Variants in CPS1 observed in about 807,000 individuals in gnomAD.
The protein encoded by CPS1 is carbamoyl-phosphate synthase [ammonia], mitochondrial.
In CPS1, 109 loss-of-function variants were observed where a neutral mutation model predicts 174.6. That is an observed-to-expected ratio of 0.62 (90% CI 0.53 to 0.73). The LOEUF (loss-of-function observed/expected upper bound fraction) is 0.73. CPS1 is among the 30% of genes least tolerant of loss of function. The pLI is 0.00. For missense variants in CPS1, 1,689 were observed against 1,821.9 expected, an observed-to-expected ratio of 0.93 and a Z score of 1.33; for synonymous variants, 637 against 632.0, an observed-to-expected ratio of 1.01 and a Z score of -0.12.
At chr2:210,574,374 TTCAC>T (rs1697615639) in intron 2 of CPS1, among the ~76,000 whole-genome samples, 1 of 152,050 alleles carries the variant, frequency 6.6e-6, no homozygotes, top group African/African-American at 2.4e-5. Flanking sequence ...GGGCATTAGG[TTCAC>T]TGATACTGAA....
At chr2:210,667,304 C>G (rs575565413) in intron 33 of CPS1, among the ~76,000 whole-genome samples, 1 of 152,044 alleles carries the variant, frequency 6.6e-6, no homozygotes, top group Non-Finnish European at 1.5e-5. Context: ...CTTTTCCTAA[C>G]TGAATACTCT....
chr2:210,499,169 G>A (rs1695077915), intron 1 of CPS1, among the ~76,000 whole-genome samples: 1 of 152,114 alleles, frequency 6.6e-6, no homozygotes, highest in African/African-American at 2.4e-5. Flanking sequence ...CATGATCTCT[G>A]CACAGGCAGG....
At chr2:210,525,957 C>T (rs1273674401) in intron 1 of CPS1, among the ~76,000 whole-genome samples, 1 of 151,600 alleles carries the variant, frequency 6.6e-6, no homozygotes, top group African/African-American at 2.4e-5. Context: ...GCAAGCAGTC[C>T]CACATGACTG....
chr2:210,579,230 G>C (rs888344814), intron 4 of CPS1, among the ~76,000 whole-genome samples: 2 of 151,964 alleles, frequency 1.3e-5, no homozygotes, highest in African/African-American at 4.8e-5. Context: ...TCTATCCAAC[G>C]TAGTCAAAGA....
At chr2:210,505,915 G>T (rs902647788) in intron 1 of CPS1, among the ~76,000 whole-genome samples, 10 of 151,956 alleles carry the variant, frequency 6.6e-5, no homozygotes, top group Non-Finnish European at 1.3e-4. Flanking sequence ...GGAGCCCACC[G>T]CAGCTCAAGG....
chr2:210,516,968 A>G (rs1056985431), intron 1 of CPS1, among the ~76,000 whole-genome samples: 2 of 151,782 alleles, frequency 1.3e-5, no homozygotes, highest in African/African-American at 2.4e-5. Context: ...GCTTTTTCTA[A>G]TGTCCTTTTC....
chr2:210,570,249 A>G (rs1369515193), intron 1 of CPS1, among the ~76,000 whole-genome samples: 1 of 151,972 alleles, frequency 6.6e-6, no homozygotes, highest in Non-Finnish European at 1.5e-5. Flanking sequence ...CAAAAGAACC[A>G]AAAATATAAT....
intron 19 of CPS1, among the ~76,000 whole-genome samples, chr2:210,609,771 A>G (rs1414767473): frequency 1.3e-5 from 2 of 151,952 alleles, no homozygotes; most frequent in Non-Finnish European, 2.9e-5. Context: ...TTTGTCCCAT[A>G]ACACAGATTA....
At chr2:210,547,724 G>A (rs1234501452) in intron 1 of CPS1, among the ~76,000 whole-genome samples, 4 of 151,928 alleles carry the variant, frequency 2.6e-5, no homozygotes, top group African/African-American at 7.3e-5. Context: ...TTAATAAAAT[G>A]TCTTTTACTT....
chr2:210,525,268 A>G (rs1017822198), intron 1 of CPS1, among the ~76,000 whole-genome samples: 1 of 151,856 alleles, frequency 6.6e-6, no homozygotes, highest in African/African-American at 2.4e-5. Flanking sequence ...GAAACTTTGT[A>G]CTTTCCAGCT....
At chr2:210,639,240 C>T (rs1356822508) in intron 23 of CPS1, 25 bp downstream of exon 23, 1 of 1,528,846 alleles carries the variant, frequency 6.5e-7, no homozygotes, top group African/African-American at 1.4e-5. Context: ...ATTGGCCTAT[C>T]CAGAAAGCTC....
rs531382575 is a variant in CPS1, at chr2:210,564,666, G to A, written c.126+7807G>A. On this transcript the variant is annotated intron_variant, in intron 1 of 37. Transcript: ENST00000233072. ...GCTGGGATTACAGGCGTGAGCCACCGCGCCCGGCCTAGAATGCTCATTTTA... is the reference window on the plus strand; with the variant it reads ...GCTGGGATTACAGGCGTGAGCCACCACGCCCGGCCTAGAATGCTCATTTTA... Among the ~76,000 whole-genome samples, 284 of 142,940 alleles carry A rather than the reference G, an allele frequency of 2.0e-3. 1 individual carries two copies. Among genetic ancestry groups the A allele is most frequent in the Non-Finnish European group, 2.9e-3 (185 of 64,776 alleles). The allele number at this position is 142,940 out of a possible 152,430, so 93.8% of individuals were successfully genotyped here.
chr2:210,595,323 T>A lies in CPS1; in HGVS notation c.1264-164T>A, dbSNP rs553743920. 7.2e-5 allele frequency among the ~76,000 whole-genome samples: 11 copies of A among 152,014 alleles called. No individual in the cohort carries two copies. In the East Asian group the frequency reaches 2.1e-3, roughly 30 times the overall value. On this transcript the variant is annotated intron_variant, in intron 12 of 37. Coordinates refer to ENST00000233072, the MANE Select transcript of CPS1 (RefSeq NM_001875.5). ...AGTCACATTGAAATCAGAGATGTTT[T>A]AAGTTATTAGTCTTTTTCCCTATAT...
In CPS1 at chr2:210,635,602, A is replaced by G. The variant is rs148964859; in HGVS notation, c.2688-2100A>G. ...TTAGTTTTTCAATTTAAATAACCACATGTGGCTAGGGGCTGCTATGTTGGA... is the reference window on the plus strand; with the variant it reads ...TTAGTTTTTCAATTTAAATAACCACGTGTGGCTAGGGGCTGCTATGTTGGA... On this transcript the variant is annotated intron_variant, in intron 21 of 37. Transcript: ENST00000233072. 1.5e-3 allele frequency among the ~76,000 whole-genome samples: 231 copies of G among 152,308 alleles called. 2 individuals carry two copies. The highest frequency in any genetic ancestry group is 5.3e-3 in the African/African-American group (219 of 41,568).
At chr2:210,492,543 A>G in intron 1 of CPS1, among the ~76,000 whole-genome samples, 1 of 152,144 alleles carries the variant, frequency 6.6e-6, no homozygotes, top group East Asian at 1.9e-4. Flanking sequence ...GGCAACTGGT[A>G]GCACAGAATT....
intron 1 of CPS1, among the ~76,000 whole-genome samples, chr2:210,560,143 G>A (rs920529748): frequency 6.6e-6 from 1 of 151,940 alleles, no homozygotes; most frequent in Non-Finnish European, 1.5e-5. Context: ...CAAGGAAAAT[G>A]AAGCAAATAA....
rs1553517670 is a variant in CPS1, at chr2:210,654,100, A to AGG, written c.3558_3558+1dup. The AGG allele has an allele frequency of 6.2e-7, 1 of 1,613,814 alleles. No homozygotes were observed. Among genetic ancestry groups the AGG allele is most frequent in the Non-Finnish European group, 8.5e-7 (1 of 1,179,710 alleles). On this transcript the variant is annotated frameshift_variant and splice_region_variant, in exon 29 of 38. Coordinates refer to ENST00000233072, the MANE Select transcript of CPS1 (RefSeq NM_001875.5). LOFTEE classifies it high-confidence loss of function. ...AATGGACGCTGTTGGCAAAGATGGA[A>AGG]GGGTAAGTGCTTTATTCTCATCTCC...
rs140600164 is a variant in CPS1, at chr2:210,634,622, A to G, written c.2688-3080A>G. Among the ~76,000 whole-genome samples, 739 of 152,230 alleles carry G rather than the reference A, an allele frequency of 4.9e-3. 11 individuals are homozygous for G. Among genetic ancestry groups the G allele is most frequent in the African/African-American group, 0.016 (682 of 41,532 alleles). The stretch of plus-strand genomic sequence containing the variant: ...TCCCCTGCCCTGAGCCACGGCTTCA[A>G]CTTGTGCACACTTCTCCCACAGCAC... On this transcript the variant is annotated intron_variant, in intron 21 of 37. Transcript: ENST00000233072.
At chr2:210,650,556 C>T (rs762978185) in intron 28 of CPS1, 118 bp downstream of exon 28, 2 of 813,000 alleles carry the variant, frequency 2.5e-6, no homozygotes, top group Non-Finnish European at 4.2e-6. Flanking sequence ...TGTATGTTTT[C>T]TTTTCACACA....
Sources: allele counts gnomAD v4.1 joint callset (sites outside exome capture counted in the v4.1 genomes callset), GRCh38; gene constraint gnomAD v4.1.1; transcripts MANE v1.5; gene names NCBI Gene and HGNC (gene_info 2026-07-23, HGNC 2026-07-21).